Variants in ATF7IP observed in about 807,000 individuals in gnomAD.
ATF7IP encodes the protein activating transcription factor 7-interacting protein 1.
In ATF7IP, 23 loss-of-function variants were observed where a neutral mutation model predicts 106.4. The observed-to-expected ratio is 0.22, with a 90% confidence interval of 0.16 to 0.31. The LOEUF (loss-of-function observed/expected upper bound fraction) is 0.31. Ranked by LOEUF, ATF7IP falls within the 10% of genes least tolerant of loss-of-function variation. The pLI is 1.00. For synonymous variants in ATF7IP, 542 were observed against 539.0 expected, an observed-to-expected ratio of 1.01 and a Z score of -0.08; for missense variants, 1,334 against 1,524.3, an observed-to-expected ratio of 0.88 and a Z score of 2.08.
intron 5 of ATF7IP, among the ~76,000 whole-genome samples, chr12:14,441,049 A>G (rs572631012): frequency 1.3e-5 from 2 of 152,278 alleles, no homozygotes; most frequent in African/African-American, 4.8e-5. Flanking sequence ...CTTGTATACA[A>G]GTGTTTGTTT....
intron 13 of ATF7IP, among the ~76,000 whole-genome samples, chr12:14,490,207 G>A (rs1472776421): frequency 6.6e-6 from 1 of 152,238 alleles, no homozygotes; most frequent in East Asian, 1.9e-4. Flanking sequence ...GCTGCGGATA[G>A]AGGCCGAATG....
intron 1 of ATF7IP, among the ~76,000 whole-genome samples, chr12:14,391,319 A>T (rs1419164221): frequency 6.6e-6 from 1 of 152,220 alleles, no homozygotes; most frequent in East Asian, 1.9e-4. Context: ...CATCTGCCTG[A>T]GGGAATCTTG....
intron 1 of ATF7IP, among the ~76,000 whole-genome samples, chr12:14,423,218 A>G (rs533278962): frequency 7.2e-5 from 11 of 152,156 alleles, no homozygotes; most frequent in Admixed American, 2.0e-4. Flanking sequence ...ACCATTTTTA[A>G]ATTGGGTGAT....
At chr12:14,461,670 T>C (rs1006041258) in intron 9 of ATF7IP, among the ~76,000 whole-genome samples, 2 of 152,178 alleles carry the variant, frequency 1.3e-5, no homozygotes, top group African/African-American at 4.8e-5. Flanking sequence ...TGACATATTA[T>C]ATGATTGTTT....
intron 1 of ATF7IP, among the ~76,000 whole-genome samples, chr12:14,415,719 T>C (rs1281441997): frequency 6.7e-6 from 1 of 149,072 alleles, no homozygotes; most frequent in African/African-American, 2.5e-5. Context: ...GATGGCAGGA[T>C]AGCTAGTGAC....
chr12:14,391,909 C>T (rs900860266), intron 1 of ATF7IP, among the ~76,000 whole-genome samples: 3 of 151,744 alleles, frequency 2.0e-5, no homozygotes, highest in African/African-American at 4.8e-5. Context: ...TTAGTAGACA[C>T]GGGGTTTCAC....
intron 1 of ATF7IP, among the ~76,000 whole-genome samples, chr12:14,413,277 A>C (rs111498993): frequency 6.6e-6 from 1 of 152,112 alleles, no homozygotes; most frequent in Admixed American, 6.6e-5. Flanking sequence ...TAAATTAAGG[A>C]TGAGATAATT....
rs1477038668 is a variant in ATF7IP at position 14,438,161 on chromosome 12, G to C, written c.1823G>C (p.Cys608Ser). Residue 608 changes from cysteine (C) to serine (S), a missense_variant, in exon 5 of 15, where the codon TGT becomes TCT. Physicochemically the swap from Cys to Ser is moderately radical, Grantham distance 112 (BLOSUM62 -1). Coordinates refer to ENST00000261168, the MANE Select transcript of ATF7IP (RefSeq NM_018179.5). Reference protein sequence around the residue: ...VIQWLLEEKLCALQCAVFDKT... With the variant: ...VIQWLLEEKLSALQCAVFDKT... ...CAGTGGTTGCTGGAAGAAAAATTGT[G>C]TGCGCTGCAGTGTGCTGTATTTGAT... 6.2e-7 allele frequency: 1 copy of C among 1,613,076 alleles called. No homozygotes were observed. Among genetic ancestry groups the C allele is most frequent in the East Asian group, 2.2e-5 (1 of 44,874 alleles).
intron 8 of ATF7IP, among the ~76,000 whole-genome samples, chr12:14,458,550 G>A (rs1332286239): frequency 1.3e-5 from 2 of 152,192 alleles, no homozygotes; most frequent in African/African-American, 4.8e-5. Flanking sequence ...GGACAAGCGT[G>A]GTGGCTTACG....
rs777147849 is a variant in ATF7IP at position 14,475,958 on chromosome 12, A to G, written c.2931A>G (p.Gly977=). 2.5e-6 allele frequency: 4 copies of G among 1,613,008 alleles called. No homozygotes were observed. In the Admixed American group the frequency reaches 6.7e-5, roughly 27 times the overall value. Reference sequence around the variant, plus strand: ...TCACAATGGATGATGAAGAGAGTGGAGCTTCACAAGGTACTTCAATAGTAA... The same window carrying G: ...TCACAATGGATGATGAAGAGAGTGGGGCTTCACAAGGTACTTCAATAGTAA... ...IDLTMDDEES[G]ASQDPKKLNH... Residue 977 remains glycine, a synonymous_variant, in exon 11 of 15, where the codon GGA becomes GGG. Coordinates refer to ENST00000261168, the MANE Select transcript of ATF7IP (RefSeq NM_018179.5).
intron 2 of ATF7IP, 127 bp downstream of exon 2, chr12:14,425,600 G>C: frequency 1.1e-6 from 1 of 920,658 alleles, no homozygotes; most frequent in Non-Finnish European, 1.5e-6. Flanking sequence ...TGACTCTATA[G>C]AAAGATGTCT....
Position 14,472,820 on chromosome 12 carries a change from G to GCACA in ATF7IP, c.2863-3060_2863-3057dup, listed in dbSNP as rs35286428. Among the ~76,000 whole-genome samples, 1,249 of 151,508 alleles carry GCACA rather than the reference G, an allele frequency of 8.2e-3. 10 individuals carry two copies. Among genetic ancestry groups the GCACA allele is most frequent in the Non-Finnish European group, 0.012 (787 of 67,844 alleles). ...CATCCATATATGTATATGAATGTAT[G>GCACA]CACACACACACACTATATTAATCTC... On this transcript the variant is annotated intron_variant, in intron 10 of 14. Coordinates refer to ENST00000261168, the MANE Select transcript of ATF7IP (RefSeq NM_018179.5).
intron 1 of ATF7IP, among the ~76,000 whole-genome samples, chr12:14,401,198 G>T (rs925106434): frequency 2.5e-4 from 38 of 151,892 alleles, no homozygotes; most frequent in African/African-American, 9.2e-4. Flanking sequence ...GTTACGTTTT[G>T]TTTTGTTTTT....
chr12:14,472,798 C>T (rs1944101628), intron 10 of ATF7IP, among the ~76,000 whole-genome samples: 1 of 147,358 alleles, frequency 6.8e-6, no homozygotes, highest in Non-Finnish European at 1.5e-5. Flanking sequence ...CTTCAGTCAT[C>T]CATATATGTA....
chr12:14,499,046 A>C lies in ATF7IP; in HGVS notation c.*973A>C, dbSNP rs1442438020. 6.6e-6 allele frequency: 1 copy of C among 152,080 alleles called. No homozygotes were observed. 9.4% of individuals were successfully genotyped at this position (152,080 alleles called of 1,614,324 possible). ...TTTTTAGTAGAGATGGGGTTTCACC[A>C]TGTTGGCCAGGCTGGTCTTGAACTC... On this transcript the variant is annotated 3_prime_UTR_variant, in exon 15 of 15. Coordinates refer to ENST00000261168, the MANE Select transcript of ATF7IP (RefSeq NM_018179.5).
intron 13 of ATF7IP, among the ~76,000 whole-genome samples, chr12:14,490,313 C>T (rs2136851905): frequency 6.6e-6 from 1 of 152,304 alleles, no homozygotes; most frequent in South Asian, 2.1e-4. Context: ...ATACAAATGC[C>T]TTCACAGTTT....
chr12:14,487,790 G>T lies in ATF7IP; in HGVS notation c.3280+6605G>T, dbSNP rs1198148805. ...TATTTGCTTCAGAAGCCAGGAGACA[G>T]AATCCCTGAGTTCATCATTTTCTTT... is the stretch of plus-strand genomic sequence containing the variant. On this transcript the variant is annotated intron_variant, in intron 13 of 14. Transcript: ENST00000261168. Among the ~76,000 whole-genome samples the T allele has an allele frequency of 2.0e-5, 3 of 152,196 alleles. 1 individual carries two copies. The highest frequency in any genetic ancestry group is 7.2e-5 in the African/African-American group (3 of 41,460).
rs562628594 is a variant in ATF7IP at position 14,418,060 on chromosome 12, G to A, written c.-7-5849G>A. Among the ~76,000 whole-genome samples, 4 of 152,092 alleles carry A rather than the reference G, an allele frequency of 2.6e-5. No individual in the cohort carries two copies. The East Asian group carries it at 7.7e-4, about 29-fold the overall frequency. On this transcript the variant is annotated intron_variant, in intron 1 of 14. Transcript: ENST00000261168. ...GTGGAGGGGGATGAAGCAGAGAAGA[G>A]AGTAATGTTTTCATTTAAAGAAGAA...
chr12:14,461,873 T>G (rs2136728323), intron 9 of ATF7IP, among the ~76,000 whole-genome samples: 1 of 152,292 alleles, frequency 6.6e-6, no homozygotes, highest in African/African-American at 2.4e-5. Flanking sequence ...GCATCATGTG[T>G]CTAGTAAAAT....
Sources: allele counts gnomAD v4.1 joint callset (sites outside exome capture counted in the v4.1 genomes callset), GRCh38; gene constraint gnomAD v4.1.1; transcripts MANE v1.5; gene names NCBI Gene and HGNC (gene_info 2026-07-23, HGNC 2026-07-21).